MYOM2: variants seen among roughly 807,000 people sequenced by gnomAD.
The protein encoded by MYOM2 is myomesin-2.
A neutral mutation model predicts 187.6 loss-of-function variants in MYOM2; 254 were observed. The ratio of observed to expected loss-of-function variants is 1.35; its 90% CI spans 1.22 to 1.50. MYOM2 has a LOEUF of 1.50. Among genes scored for constraint, MYOM2 ranks in the 40% most tolerant of loss-of-function variants. The pLI, the probability that MYOM2 is intolerant of heterozygous loss-of-function variation, is 0.00. For synonymous variants in MYOM2, 981 were observed against 753.8 expected, an observed-to-expected ratio of 1.30 and a Z score of -4.94; for missense variants, 2,796 against 1,924.0, an observed-to-expected ratio of 1.45 and a Z score of -8.48.
intron 10 of MYOM2, among the ~76,000 whole-genome samples, chr8:2,073,762 G>C (rs79012673): frequency 0.034 from 5,196 of 152,300 alleles, 134 homozygotes; most frequent in East Asian, 0.089. Context: ...CGTTCATATA[G>C]TCATTAGCAT....
chr8:2,143,804 C>G (rs555110270), intron 36 of MYOM2, among the ~76,000 whole-genome samples: 3 of 152,332 alleles, frequency 2.0e-5, no homozygotes, highest in South Asian at 2.1e-4. Flanking sequence ...GGCAGCCACA[C>G]TCGCCCTGAC....
chr8:2,107,665 C>T (rs766456884), intron 23 of MYOM2, among the ~76,000 whole-genome samples: 9 of 152,108 alleles, frequency 5.9e-5, no homozygotes, highest in South Asian at 2.1e-4. Flanking sequence ...ATGAGGAGGC[C>T]GCACTGTCTC....
chr8:2,124,407 G>A (rs866179991), intron 31 of MYOM2, among the ~76,000 whole-genome samples, 190 bp downstream of exon 31: 5 of 152,178 alleles, frequency 3.3e-5, no homozygotes, highest in Non-Finnish European at 5.9e-5. Flanking sequence ...CCTCAGTTTT[G>A]TCTGGAGTTT....
At chr8:2,126,201 C>G (rs922034692) in intron 31 of MYOM2, among the ~76,000 whole-genome samples, 1 of 152,176 alleles carries the variant, frequency 6.6e-6, no homozygotes, top group Non-Finnish European at 1.5e-5. Context: ...GGGACATGCA[C>G]ATTATGTTGG....
chr8:2,078,840 G>T lies in MYOM2; in HGVS notation c.1369G>T (p.Val457Leu), dbSNP rs748253119. ...LFEGRSYIFR[V>L]RAVNSAGISR... ...TGAAGGAAGGTCTTACATATTCCGA[G>T]TGAGGGCAGTGAACAGTGCGGGCAT... is the stretch of plus-strand genomic sequence containing the variant. Residue 457 changes from valine to leucine, a missense_variant, in exon 12 of 37, where the codon GTG becomes TTG. By Grantham distance (32) the Val-to-Leu change is conservative (BLOSUM62 1). Coordinates refer to ENST00000262113, the MANE Select transcript of MYOM2 (RefSeq NM_003970.4). 1 of 1,614,038 alleles carries T rather than the reference G, an allele frequency of 6.2e-7. No individual in the cohort carries two copies. The highest frequency in any genetic ancestry group is 1.3e-5 in the African/African-American group (1 of 74,934).
At chr8:2,094,153 T>G in intron 17 of MYOM2, 62 bp downstream of exon 17, 1 of 1,583,868 alleles carries the variant, frequency 6.3e-7, no homozygotes, top group Non-Finnish European at 8.6e-7. Flanking sequence ...TCTGCATGAA[T>G]AAACATTTGT....
intron 14 of MYOM2, among the ~76,000 whole-genome samples, chr8:2,086,488 T>TGTGGCCCCCCACTGTCGTGATCTCCGC (rs1796074031): frequency 3.3e-5 from 2 of 61,026 alleles, no homozygotes; most frequent in Non-Finnish European, 7.5e-5. Context: ...ATGATCTCTG[T>TGTGGCCCCCCACTGTCGTGATCTCCGC]GTGGCCCCCC....
At chr8:2,125,127 G>T in intron 31 of MYOM2, among the ~76,000 whole-genome samples, 1 of 152,134 alleles carries the variant, frequency 6.6e-6, no homozygotes, top group Non-Finnish European at 1.5e-5. Flanking sequence ...TTTGTTGCCT[G>T]TATTTTTGAT....
chr8:2,100,165 C>CCTTCCTTCCTTCT (rs1796655812), intron 19 of MYOM2, among the ~76,000 whole-genome samples: 1 of 142,314 alleles, frequency 7.0e-6, no homozygotes, highest in Admixed American at 7.2e-5. Context: ...TCCTTCCTTC[C>CCTTCCTTCCTTCT]TTCCTTCCTT....
intron 16 of MYOM2, 100 bp downstream of exon 16, chr8:2,092,620 C>A: frequency 1.6e-6 from 2 of 1,287,492 alleles, no homozygotes; most frequent in East Asian, 2.5e-5. Context: ...GGCCGCAAGG[C>A]TTCTGCGTAA....
chr8:2,127,872 T>C (rs993117716), intron 31 of MYOM2: 13 of 152,990 alleles, frequency 8.5e-5, no homozygotes, highest in African/African-American at 2.7e-4. Context: ...CCTTTGTTTA[T>C]TTATTTTTGG....
chr8:2,056,693 G>A (rs1818677293), intron 3 of MYOM2, among the ~76,000 whole-genome samples: 1 of 152,106 alleles, frequency 6.6e-6, no homozygotes, highest in Non-Finnish European at 1.5e-5. Context: ...GCTTTTATTT[G>A]CTGCCCTGCA....
intron 13 of MYOM2, among the ~76,000 whole-genome samples, chr8:2,079,865 G>A (rs1819562672): frequency 6.6e-6 from 1 of 152,192 alleles, no homozygotes; most frequent in East Asian, 1.9e-4. Flanking sequence ...TTCATTTGGG[G>A]TTTACAAAGG....
chr8:2,053,204 G>T (rs1818549692), intron 3 of MYOM2, among the ~76,000 whole-genome samples: 1 of 152,128 alleles, frequency 6.6e-6, no homozygotes, highest in South Asian at 2.1e-4. Flanking sequence ...GTCATCTGTT[G>T]AATATAAACA....
At chr8:2,070,735 T>C (rs959114842) in intron 8 of MYOM2, among the ~76,000 whole-genome samples, 2 of 152,270 alleles carry the variant, frequency 1.3e-5, no homozygotes, top group Non-Finnish European at 2.9e-5. Context: ...GAGGGAAATA[T>C]CTTGCTATTT....
chr8:2,125,926 T>C (rs1797620393), intron 31 of MYOM2, among the ~76,000 whole-genome samples: 1 of 152,008 alleles, frequency 6.6e-6, no homozygotes, highest in African/African-American at 2.4e-5. Context: ...AAGGATTATT[T>C]TTCTATTTCT....
intron 14 of MYOM2, among the ~76,000 whole-genome samples, chr8:2,085,592 G>GCC (rs1554546563): frequency 0.02 from 136 of 6,952 alleles, 54 homozygotes; most frequent in Middle Eastern, 0.14. Context: ...TCTCTGCGTG[G>GCC]CCCCACTGTC....
intron 31 of MYOM2, among the ~76,000 whole-genome samples, chr8:2,125,865 C>T (rs776525646): frequency 6.6e-5 from 10 of 151,866 alleles, no homozygotes; most frequent in Admixed American, 3.3e-4. Context: ...GCCCGCCCAC[C>T]GAGGCCTCCC....
intron 3 of MYOM2, among the ~76,000 whole-genome samples, chr8:2,053,084 C>T (rs7813554): frequency 0.09 from 13,753 of 152,172 alleles, 1,049 homozygotes; most frequent in African/African-American, 0.21. Flanking sequence ...TCCCTCATCT[C>T]CCCCTGCTAC....
Sources: gnomAD v4.1 joint callset for allele counts (sites outside exome capture counted in the v4.1 genomes callset) on GRCh38, gnomAD v4.1.1 for gene constraint, MANE v1.5 for transcripts, NCBI Gene and HGNC (gene_info 2026-07-23, HGNC 2026-07-21) for gene names.